FSIP2: variants seen among roughly 807,000 people sequenced by gnomAD.
FSIP2 encodes the protein fibrous sheath interacting protein 2.
In FSIP2, 367 loss-of-function variants were observed where a neutral mutation model predicts 510.5. That is an observed-to-expected ratio of 0.72 (90% confidence interval 0.66 to 0.78). The LOEUF (loss-of-function observed/expected upper bound fraction) is 0.78, where lower values mean the gene tolerates loss of function less well. FSIP2 is among the 30% of genes least tolerant of loss of function. The probability of loss-of-function intolerance (pLI) is 0.00; values close to 1 mark genes in which losing one functional copy is unlikely to be tolerated. For synonymous variants in FSIP2, 2,601 were observed against 2,732.2 expected, an observed-to-expected ratio of 0.95 and a Z score of 1.50; for missense variants, 7,594 against 7,901.7, an observed-to-expected ratio of 0.96 and a Z score of 1.48.
At chr2:185,816,975 AAAAG>A (rs898738599) in intron 19 of FSIP2, among the ~76,000 whole-genome samples, 7 of 108,506 alleles carry the variant, frequency 6.5e-5, no homozygotes, top group African/African-American at 1.3e-4. Flanking sequence ...AGGAAAGAAA[AAAAG>A]AAAAGGAAGG....
At chr2:185,754,423 A>G (rs1403218623) in intron 8 of FSIP2, among the ~76,000 whole-genome samples, 1 of 151,514 alleles carries the variant, frequency 6.6e-6, no homozygotes, top group Non-Finnish European at 1.5e-5. Context: ...GTGTAGTACC[A>G]GGAAAGAAAC....
chr2:185,813,404 G>T, intron 17 of FSIP2, 141 bp from the exon 18 acceptor site: 1 of 457,022 alleles, frequency 2.2e-6, no homozygotes, highest in Non-Finnish European at 3.7e-6. Context: ...TAAAAATATT[G>T]CTAATATATA....
chr2:185,832,995 C>A, intron 22 of FSIP2, 95 bp from the exon 23 acceptor site: 2 of 1,021,534 alleles, frequency 2.0e-6, no homozygotes, highest in Non-Finnish European at 3.0e-6. Context: ...CTATTACCAG[C>A]TGGGCCACCT....
rs1383756454 is a variant in FSIP2, at chr2:185,794,110, T to C, written c.6974T>C (p.Leu2325Pro). ...ACTGAAACCATTCTCAGCCAAGAGC[T>C]TACAGATTTCACTTTTGTTGGTCGC... ...SATETILSQE[L>P]TDFTFVGRRE... Residue 2325 changes from leucine to proline, a missense_variant, in exon 16 of 23, where the codon CTT becomes CCT. By Grantham distance (98) the Leu-to-Pro change is moderately conservative. Transcript: ENST00000424728. 6.5e-7 allele frequency: 1 copy of C among 1,531,894 alleles called. No individual in the cohort carries two copies. Among genetic ancestry groups the C allele is most frequent in the East Asian group, 2.5e-5 (1 of 40,808 alleles). The allele number at this position is 1,531,894 out of a possible 1,614,324, so 94.9% of individuals were successfully genotyped here.
intron 8 of FSIP2, among the ~76,000 whole-genome samples, chr2:185,755,684 C>T (rs1269874118): frequency 6.6e-6 from 1 of 151,518 alleles, no homozygotes; most frequent in African/African-American, 2.4e-5. Flanking sequence ...ACAGATCACT[C>T]TTATAGTTTA....
chr2:185,822,327 CA>C (rs900562664), intron 19 of FSIP2, among the ~76,000 whole-genome samples: 5 of 151,762 alleles, frequency 3.3e-5, no homozygotes, highest in Admixed American at 6.6e-5. Context: ...TGAAGAACAC[CA>C]AAAAAATTGT....
intron 13 of FSIP2, among the ~76,000 whole-genome samples, chr2:185,780,567 C>CTT (rs71411143): frequency 5.3e-5 from 8 of 151,540 alleles, no homozygotes; most frequent in Non-Finnish European, 1.0e-4. Flanking sequence ...TTTCAAAACC[C>CTT]TTCTTTATAT....
In FSIP2 at chr2:185,833,224, T is replaced by C; in HGVS notation, c.20722T>C (p.Ter6908ArgextTer5). Residue 6908 changes from the stop codon to arginine, a stop_lost, in exon 23 of 23, where the codon TGA becomes CGA. Coordinates refer to ENST00000424728, the MANE Select transcript of FSIP2 (RefSeq NM_173651.4). ...SSSPAHQDEH[*>R] Reference sequence around the variant, plus strand: ...CTCACCAGCTCACCAGGATGAACACTGAAGCTTTTGTACCTGATATAAGTA... The same window carrying C: ...CTCACCAGCTCACCAGGATGAACACCGAAGCTTTTGTACCTGATATAAGTA... The C allele has an allele frequency of 1.2e-6, 2 of 1,605,278 alleles. No homozygotes were observed. The highest frequency in any genetic ancestry group is 1.7e-6 in the Non-Finnish European group (2 of 1,176,136).
At chr2:185,752,219 T>C (rs1692163012) in intron 7 of FSIP2, among the ~76,000 whole-genome samples, 1 of 147,774 alleles carries the variant, frequency 6.8e-6, no homozygotes, top group South Asian at 2.1e-4. Context: ...ACCATTGACT[T>C]TTTTTTTTCT....
Position 185,743,227 on chromosome 2 carries a change from C to T in FSIP2, c.320C>T (p.Ala107Val). Reference protein sequence around the residue: ...YKSLHDPHLKAYYKRKDILKR... With the variant: ...YKSLHDPHLKVYYKRKDILKR... ...AGCCTCCATGATCCACATTTAAAAG[C>T]ATACTATAAGCGCAAAGATATTTTG... is the stretch of plus-strand genomic sequence containing the variant. Residue 107 changes from alanine to valine, a missense_variant, in exon 3 of 23, where the codon GCA becomes GTA. Transcript: ENST00000424728. 6.5e-7 allele frequency: 1 copy of T among 1,527,866 alleles called. No homozygotes were observed. Among genetic ancestry groups the T allele is most frequent in the Non-Finnish European group, 8.7e-7 (1 of 1,142,940 alleles). The allele number at this position is 1,527,866 out of a possible 1,614,324, so 94.6% of individuals were successfully genotyped here.
chr2:185,766,273 T>C (rs1418269699), intron 13 of FSIP2: 1 of 151,274 alleles, frequency 6.6e-6, no homozygotes, highest in Non-Finnish European at 1.5e-5. Flanking sequence ...ACTTCATGTC[T>C]AAAACACCAA....
rs1339819773 is a variant in FSIP2 at position 185,792,184 on chromosome 2, T to A, written c.5048T>A (p.Val1683Asp). ...GAGACTCAAATACTTAAGTATGTAG[T>A]CAAGTTAATTTTAGATGCAGTATCT... ...PPETQILKYV[V>D]KLILDAVSSD... Residue 1683 changes from valine to aspartate, a missense_variant, in exon 16 of 23, where the codon GTC (valine) becomes GAC (aspartate). Transcript: ENST00000424728. 2.6e-6 allele frequency: 4 copies of A among 1,531,730 alleles called. No homozygotes were observed. The highest frequency in any genetic ancestry group is 1.4e-5 in the African/African-American group (1 of 72,680). 94.9% of individuals were successfully genotyped at this position (1,531,730 alleles called of 1,614,324 possible). A position where few individuals can be genotyped will look rare whatever the true frequency, so the allele number is the denominator to read the frequency against.
In FSIP2 at chr2:185,799,950, C is replaced by A. The variant is rs1193568824; in HGVS notation, c.10644C>A (p.Ser3548Arg). 3 of 1,531,454 alleles carry A rather than the reference C, an allele frequency of 2.0e-6. No individual in the cohort carries two copies. Among genetic ancestry groups the A allele is most frequent in the Non-Finnish European group, 2.6e-6 (3 of 1,143,520 alleles). The allele number at this position is 1,531,454 out of a possible 1,614,324, so 94.9% of individuals were successfully genotyped here. A position where few individuals can be genotyped will look rare whatever the true frequency, so the allele number is the denominator to read the frequency against. The change falls in exon 17 of 23, where the codon AGC becomes AGA. Residue 3548 changes from serine (S) to arginine (R), a missense_variant. By Grantham distance (110) the Ser-to-Arg change is moderately radical. Transcript: ENST00000424728. ...CAATTCATTCTCAAGTGTTTGAGAG[C>A]AGGTCAATTTCCATTGGAGAACTTG... ...IISIHSQVFE[S>R]RSISIGELAL...
At chr2:185,814,080 G>A (rs766271132) in intron 18 of FSIP2, 38 bp downstream of exon 18, 53 of 1,559,286 alleles carry the variant, frequency 3.4e-5, no homozygotes, top group Non-Finnish European at 4.2e-5. Context: ...CTAGAAAGGG[G>A]AGACATCTTC....
rs1042656800 is a variant in FSIP2 at position 185,794,536 on chromosome 2, A to G, written c.7400A>G (p.Glu2467Gly). 1 of 1,530,220 alleles carries G rather than the reference A, an allele frequency of 6.5e-7. No individual in the cohort carries two copies. Among genetic ancestry groups the G allele is most frequent in the Non-Finnish European group, 8.7e-7 (1 of 1,144,638 alleles). 94.8% of individuals were successfully genotyped at this position (1,530,220 alleles called of 1,614,324 possible). The change falls in exon 16 of 23, where the codon GAA (glutamate) becomes GGA (glycine). Residue 2467 changes from glutamate to glycine, a missense_variant. Coordinates refer to ENST00000424728, the MANE Select transcript of FSIP2 (RefSeq NM_173651.4). ...AAAAGGCAGATAATTGTTTTGGAAGAAATATTTATGAGAAATGGAGAATCA... is the reference window on the plus strand; with the variant it reads ...AAAAGGCAGATAATTGTTTTGGAAGGAATATTTATGAGAAATGGAGAATCA... ...ENKRQIIVLEEIFMRNGESKN... is the reference protein window; with the variant it reads ...ENKRQIIVLEGIFMRNGESKN...
At position 185,804,253 on chromosome 2, in the gene FSIP2, A is replaced by G; in HGVS notation, c.14947A>G (p.Arg4983Gly). ...AGATAGAGTGAAACTGAAACTTACC[A>G]GGATTGTTACAACATTGGTAAATTC... ...NPDRVKLKLTRIVTTLVNSIV... is the reference protein window; with the variant it reads ...NPDRVKLKLTGIVTTLVNSIV... Residue 4983 changes from arginine (R) to glycine (G), a missense_variant, in exon 17 of 23, where the codon AGG becomes GGG. Transcript: ENST00000424728. 6.5e-7 allele frequency: 1 copy of G among 1,529,232 alleles called. No homozygotes were observed. The highest frequency in any genetic ancestry group is 1.2e-5 in the South Asian group (1 of 82,798). 94.7% of individuals were successfully genotyped at this position (1,529,232 alleles called of 1,614,324 possible). A position where few individuals can be genotyped will look rare whatever the true frequency, so the allele number is the denominator to read the frequency against.
At position 185,804,818 on chromosome 2, in the gene FSIP2, G is replaced by A. The variant is rs1433751448; in HGVS notation, c.15512G>A (p.Arg5171Gln). 7.8e-6 allele frequency: 12 copies of A among 1,532,728 alleles called. No homozygotes were observed. Among genetic ancestry groups the A allele is most frequent in the Middle Eastern group, 1.7e-4 (1 of 5,968 alleles). 94.9% of individuals were successfully genotyped at this position (1,532,728 alleles called of 1,614,324 possible). The change falls in exon 17 of 23, where the codon CGA (arginine) becomes CAA (glutamine). Residue 5171 changes from arginine (R) to glutamine (Q), a missense_variant. Physicochemically the swap from Arg to Gln is conservative, Grantham distance 43. Coordinates refer to ENST00000424728, the MANE Select transcript of FSIP2 (RefSeq NM_173651.4). Reference sequence around the variant, plus strand: ...AAAGAAATTTCTGAACATGAGATTCGACTTTCCATGGCAGAGGATAATGCA... The same window carrying A: ...AAAGAAATTTCTGAACATGAGATTCAACTTTCCATGGCAGAGGATAATGCA... ...IIKEISEHEI[R>Q]LSMAEDNAES...
At chr2:185,810,379 C>T (rs973986796) in intron 17 of FSIP2, among the ~76,000 whole-genome samples, 3 of 151,884 alleles carry the variant, frequency 2.0e-5, no homozygotes, top group Non-Finnish European at 4.4e-5. Flanking sequence ...CTGCACCCTG[C>T]CCAACACATA....
At chr2:185,749,225 A>C (rs1321153575) in intron 7 of FSIP2, among the ~76,000 whole-genome samples, 1 of 151,926 alleles carries the variant, frequency 6.6e-6, no homozygotes. Context: ...TTAACTCTAT[A>C]GGTCAGTTTG....
Sources: gnomAD v4.1 joint callset for allele counts (sites outside exome capture counted in the v4.1 genomes callset) on GRCh38, gnomAD v4.1.1 for gene constraint, MANE v1.5 for transcripts, NCBI Gene and HGNC (gene_info 2026-07-23, HGNC 2026-07-21) for gene names.